HMOX2: variants seen among roughly 807,000 people sequenced by gnomAD.
HMOX2 encodes the protein heme oxygenase 2.
In HMOX2, 30 loss-of-function variants were observed where a neutral mutation model predicts 33.7. The observed-to-expected ratio is 0.89, with a 90% CI of 0.67 to 1.21. The LOEUF is 1.21. Among genes scored for constraint, HMOX2 ranks in the 50% most tolerant of loss-of-function variants. HMOX2 has a pLI of 0.00. For missense variants in HMOX2, 403 were observed against 399.1 expected, an observed-to-expected ratio of 1.01 and a Z score of -0.08; for synonymous variants, 155 against 155.0, an observed-to-expected ratio of 1.00 and a Z score of 0.00.
chr16:4,481,180 A>G (rs1319737529), intron 1 of HMOX2, among the ~76,000 whole-genome samples: 1 of 151,486 alleles, frequency 6.6e-6, no homozygotes, highest in Non-Finnish European at 1.5e-5. Flanking sequence ...CCCCGTCTCT[A>G]CTAAAAAATA....
chr16:4,505,730 C>G, intron 2 of HMOX2, 120 bp downstream of exon 2: 1 of 667,078 alleles, frequency 1.5e-6, no homozygotes, highest in South Asian at 2.1e-5. Flanking sequence ...GCTCTGGACC[C>G]CTGGGTGCCT....
intron 1 of HMOX2, chr16:4,496,126 CTTTTT>C (rs35152645): frequency 1.1e-4 from 15 of 141,078 alleles, no homozygotes; most frequent in Admixed American, 1.4e-4. Context: ...ACTTTTCTTT[CTTTTT>C]TTTTTTTTTT....
At chr16:4,488,922 C>A (rs2058241048) in intron 1 of HMOX2, among the ~76,000 whole-genome samples, 1 of 151,072 alleles carries the variant, frequency 6.6e-6, no homozygotes, top group Non-Finnish European at 1.5e-5. Flanking sequence ...CCATTGTGGG[C>A]TCAAGCAATC....
chr16:4,504,246 G>T (rs2058631469), intron 1 of HMOX2, among the ~76,000 whole-genome samples: 1 of 152,138 alleles, frequency 6.6e-6, no homozygotes, highest in African/African-American at 2.4e-5. Flanking sequence ...TCACAGGTAG[G>T]ATGAACTGGC....
chr16:4,499,820 T>A (rs2058514172), intron 1 of HMOX2, among the ~76,000 whole-genome samples: 1 of 152,208 alleles, frequency 6.6e-6, no homozygotes, highest in Non-Finnish European at 1.5e-5. Context: ...AGGAGTCAAG[T>A]CAGATCTGAA....
Position 4,484,709 on chromosome 16 carries a change from C to T in HMOX2, c.-42+8222C>T, listed in dbSNP as rs183753428. Among the ~76,000 whole-genome samples the T allele has an allele frequency of 3.4e-3, 524 of 152,134 alleles. 3 individuals are homozygous for T. The highest frequency in any genetic ancestry group is 4.1e-3 in the Non-Finnish European group (276 of 67,978). ...CTCCTGACTTCAGGTGAGCCGCCTG[C>T]CGCGGGCTCCCAAAGTGCTGGTATT... On this transcript the variant is annotated intron_variant, in intron 1 of 5. Transcript: ENST00000570646.
At chr16:4,481,512 G>T (rs1487513488) in intron 1 of HMOX2, among the ~76,000 whole-genome samples, 1 of 152,138 alleles carries the variant, frequency 6.6e-6, no homozygotes, top group Non-Finnish European at 1.5e-5. Flanking sequence ...AAAGAATTGG[G>T]TGGAACAGGG....
upstream of HMOX2, chr16:4,475,932 G>C (rs28629405): frequency 0.12 from 17,569 of 151,954 alleles, 2,122 homozygotes; most frequent in African/African-American, 0.3. Flanking sequence ...AGCAAAACTC[G>C]GTCTCAAAAA....
intron 1 of HMOX2, among the ~76,000 whole-genome samples, chr16:4,481,110 GC>G (rs1438575018): frequency 6.6e-6 from 1 of 151,540 alleles, no homozygotes; most frequent in East Asian, 2.0e-4. Context: ...ACTTTGGGAG[GC>G]GGAGGCGGGC....
At chr16:4,494,603 G>T (rs2058376325) in intron 1 of HMOX2, among the ~76,000 whole-genome samples, 2 of 152,154 alleles carry the variant, frequency 1.3e-5, no homozygotes, top group Admixed American at 6.5e-5. Context: ...TTTGGGTGGG[G>T]TGCAGTGGCT....
At chr16:4,484,265 C>T (rs556871009) in intron 1 of HMOX2, among the ~76,000 whole-genome samples, 3 of 151,902 alleles carry the variant, frequency 2.0e-5, no homozygotes, top group Admixed American at 6.6e-5. Context: ...TGAGCCACTG[C>T]ACCCGGCCTC....
Position 4,507,857 on chromosome 16 carries a change from TTTGGTGAAAA to T in HMOX2, c.350_359del (p.Phe117SerfsTer22). 12 of 1,614,226 alleles carry T rather than the reference TTTGGTGAAAA, an allele frequency of 7.4e-6. No homozygotes were observed. Among genetic ancestry groups the T allele is most frequent in the African/African-American group, 1.3e-5 (1 of 75,058 alleles). On this transcript the variant is annotated frameshift_variant, in exon 4 of 6. Transcript: ENST00000570646. LOFTEE classifies it high-confidence loss of function. Reference sequence around the variant, plus strand: ...GCTGACCAAGGACATGGAGTATTTCTTTGGTGAAAACTGGGAGGAGCAGGTGCAGTGCCCC... The same window carrying T: ...GCTGACCAAGGACATGGAGTATTTCTCTGGGAGGAGCAGGTGCAGTGCCCC...
At chr16:4,483,443 A>G (rs2058083141) in intron 1 of HMOX2, among the ~76,000 whole-genome samples, 1 of 151,968 alleles carries the variant, frequency 6.6e-6, no homozygotes, top group Non-Finnish European at 1.5e-5. Flanking sequence ...TTACCCAGGA[A>G]ATTCCAAGGG....
At chr16:4,492,915 T>C (rs1440400831) in intron 1 of HMOX2, among the ~76,000 whole-genome samples, 1 of 152,190 alleles carries the variant, frequency 6.6e-6, no homozygotes, top group African/African-American at 2.4e-5. Context: ...CACATGCCTG[T>C]AGCCCCAGCT....
intron 1 of HMOX2, among the ~76,000 whole-genome samples, chr16:4,486,137 C>A (rs747439547): frequency 6.6e-6 from 1 of 152,146 alleles, no homozygotes; most frequent in African/African-American, 2.4e-5. Flanking sequence ...TGACAAGTAC[C>A]CTTTCTTCCC....
chr16:4,510,112 G>GT lies in HMOX2; in HGVS notation c.*357dup. On this transcript the variant is annotated 3_prime_UTR_variant, in exon 6 of 6. Transcript: ENST00000570646. ...CTCCCCTGTTGGAGGTGAGTGGCCT[G>GT]TAAGTCCAAGCTGTGCGAGGGGGCC... 1 of 267,556 alleles carries GT rather than the reference G, an allele frequency of 3.7e-6. No homozygotes were observed. Among genetic ancestry groups the GT allele is most frequent in the East Asian group, 7.6e-5 (1 of 13,236 alleles). 16.6% of individuals were successfully genotyped at this position (267,556 alleles called of 1,614,324 possible).
chr16:4,494,350 T>G (rs1261922213), intron 1 of HMOX2, among the ~76,000 whole-genome samples: 2 of 151,192 alleles, frequency 1.3e-5, no homozygotes, highest in Non-Finnish European at 3.0e-5. Flanking sequence ...GCTATGAAAA[T>G]TTAACACATT....
intron 1 of HMOX2, among the ~76,000 whole-genome samples, chr16:4,491,134 T>C (rs892697250): frequency 1.3e-5 from 2 of 152,190 alleles, no homozygotes; most frequent in Non-Finnish European, 2.9e-5. Flanking sequence ...GGTTGTCATG[T>C]GATAAAAATG....
At chr16:4,486,504 G>C (rs1331225372) in intron 1 of HMOX2, among the ~76,000 whole-genome samples, 2 of 152,204 alleles carry the variant, frequency 1.3e-5, no homozygotes, top group African/African-American at 4.8e-5. Flanking sequence ...CCAATGCTGG[G>C]GATGAGGTGA....
Sources: gnomAD v4.1 joint callset for allele counts (sites outside exome capture counted in the v4.1 genomes callset) on GRCh38, gnomAD v4.1.1 for gene constraint, MANE v1.5 for transcripts, NCBI Gene and HGNC (gene_info 2026-07-23, HGNC 2026-07-21) for gene names.